Variants in TMOD1 observed in about 807,000 individuals in gnomAD.
The protein encoded by TMOD1 is tropomodulin 1.
Under a neutral mutation model 40.6 loss-of-function variants are expected in TMOD1, and 17 were observed. The ratio of observed to expected loss-of-function variants is 0.42; its 90% CI spans 0.29 to 0.63. TMOD1 has a LOEUF of 0.63. Among genes scored for constraint, TMOD1 ranks in the 20% least tolerant of loss-of-function variants. The probability of loss-of-function intolerance (pLI) is 0.22; values close to 1 mark genes in which losing one functional copy is unlikely to be tolerated. For synonymous variants in TMOD1, 181 were observed against 175.0 expected, an observed-to-expected ratio of 1.03 and a Z score of -0.27; for missense variants, 391 against 447.6, an observed-to-expected ratio of 0.87 and a Z score of 1.14.
intron 3 of TMOD1, 55 bp downstream of exon 3, chr9:97,546,396 C>T (rs1587934038): frequency 1.2e-5 from 18 of 1,563,578 alleles, no homozygotes; most frequent in Middle Eastern, 1.7e-4. Flanking sequence ...CATTGAGTGC[C>T]GACTGTATGC....
chr9:97,514,412 C>G (rs1216932736), intron 1 of TMOD1, among the ~76,000 whole-genome samples: 3 of 152,030 alleles, frequency 2.0e-5, no homozygotes, highest in Admixed American at 1.3e-4. Context: ...ACCACCGCAC[C>G]TGGCCGAAAT....
chr9:97,562,849 AC>A, intron 5 of TMOD1, 28 bp downstream of exon 5: 1 of 1,549,866 alleles, frequency 6.5e-7, no homozygotes, highest in Non-Finnish European at 8.7e-7. Flanking sequence ...CCCAGGAGGG[AC>A]CTCATGCTTC....
chr9:97,514,572 C>T (rs1427933976), intron 1 of TMOD1, among the ~76,000 whole-genome samples: 2 of 152,158 alleles, frequency 1.3e-5, no homozygotes, highest in Non-Finnish European at 2.9e-5. Flanking sequence ...GCTCCCTCGC[C>T]CCTGGCACCC....
intron 4 of TMOD1, 105 bp downstream of exon 4, chr9:97,553,505 TAACA>T: frequency 6.8e-7 from 1 of 1,471,112 alleles, no homozygotes; most frequent in Non-Finnish European, 9.4e-7. Flanking sequence ...TCTCTATTTC[TAACA>T]AGAACTAGAG....
rs1185565196 is a variant in TMOD1, at chr9:97,582,141, T to C, written c.871-9150T>C. Among the ~76,000 whole-genome samples the C allele has an allele frequency of 2.0e-5, 3 of 152,062 alleles. No individual in the cohort carries two copies. In the East Asian group the frequency reaches 5.8e-4, roughly 29 times the overall value. On this transcript the variant is annotated intron_variant, in intron 8 of 9. Coordinates refer to ENST00000259365, the MANE Select transcript of TMOD1 (RefSeq NM_003275.4). ...GGTTTTTATGGTTTTAGGTCTAACG[T>C]TTAAGTCTTTAATCCATCTTGAATT...
chr9:97,594,336 C>T (rs962687746), intron 9 of TMOD1, among the ~76,000 whole-genome samples: 2 of 152,252 alleles, frequency 1.3e-5, no homozygotes, highest in Non-Finnish European at 2.9e-5. Context: ...GGCAGTGCCT[C>T]AGCTTCCTCC....
chr9:97,590,849 T>C, intron 8 of TMOD1, among the ~76,000 whole-genome samples: 1 of 152,184 alleles, frequency 6.6e-6, no homozygotes, highest in East Asian at 1.9e-4. Context: ...CTTGGGTGCA[T>C]ATTGAAATCT....
intron 3 of TMOD1, among the ~76,000 whole-genome samples, chr9:97,551,010 ATATATTTTTTTTTT>A (rs1830442846): frequency 2.4e-5 from 1 of 42,242 alleles, no homozygotes; most frequent in African/African-American, 1.7e-4. Context: ...ATATATATAT[ATATATTTTTTTTTT>A]TTTTTTTTTT....
At chr9:97,580,419 A>G (rs1397568057) in intron 8 of TMOD1, among the ~76,000 whole-genome samples, 1 of 152,196 alleles carries the variant, frequency 6.6e-6, no homozygotes, top group South Asian at 2.1e-4. Context: ...AGCCTGGCCA[A>G]CATAGTGAAA....
chr9:97,579,786 G>A (rs948971515), intron 8 of TMOD1, among the ~76,000 whole-genome samples: 2 of 152,254 alleles, frequency 1.3e-5, no homozygotes, highest in African/African-American at 4.8e-5. Flanking sequence ...GACTCTGCCA[G>A]GTGTAGGGAG....
intron 8 of TMOD1, among the ~76,000 whole-genome samples, chr9:97,581,858 G>A (rs1309714714): frequency 1.3e-5 from 2 of 150,892 alleles, no homozygotes; most frequent in African/African-American, 4.9e-5. Flanking sequence ...TTTTTTTCTT[G>A]TAAATTTGTT....
At chr9:97,544,148 A>G (rs1416245712) in intron 2 of TMOD1, among the ~76,000 whole-genome samples, 1 of 152,152 alleles carries the variant, frequency 6.6e-6, no homozygotes, top group Non-Finnish European at 1.5e-5. Flanking sequence ...CAGCCCTCCC[A>G]GAGGCAGGAT....
chr9:97,539,534 T>G (rs1413200950), intron 2 of TMOD1, among the ~76,000 whole-genome samples: 2 of 152,240 alleles, frequency 1.3e-5, no homozygotes, highest in Non-Finnish European at 2.9e-5. Context: ...AGAGCCCTCT[T>G]GCCTCAGCAT....
Position 97,562,828 on chromosome 9 carries a change from A to G in TMOD1, c.487+7A>G. The G allele has an allele frequency of 6.3e-7, 1 of 1,579,644 alleles. No homozygotes were observed. Among genetic ancestry groups the G allele is most frequent in the South Asian group, 1.2e-5 (1 of 84,766 alleles). Reference sequence around the variant, plus strand: ...AACAAGGAGGGGCTCAACAGTGAGTATGCGCCCGCCCCCAGGAGGGACCTC... The same window carrying G: ...AACAAGGAGGGGCTCAACAGTGAGTGTGCGCCCGCCCCCAGGAGGGACCTC... On this transcript the variant is annotated splice_region_variant and intron_variant, in intron 5 of 9. Transcript: ENST00000259365.
Position 97,599,649 on chromosome 9 carries a change from T to C in TMOD1, c.1031T>C (p.Leu344Pro), listed in dbSNP as rs754343680. 3.1e-6 allele frequency: 5 copies of C among 1,614,210 alleles called. No individual in the cohort carries two copies. In the South Asian group the frequency reaches 5.5e-5, roughly 18 times the overall value. Residue 344 changes from leucine to proline, a missense_variant, in exon 10 of 10, where the codon CTT becomes CCT. Leu to Pro is a moderately conservative substitution (Grantham distance 98). Coordinates refer to ENST00000259365, the MANE Select transcript of TMOD1 (RefSeq NM_003275.4). ...TCCTTTCCAGTGAGGAAGAGGAGGC[T>C]TGCGGACCTGACTGGGCCCATCATT... ...NNNDLVRKRR[L>P]ADLTGPIIPK...
chr9:97,600,456 T>C lies in TMOD1; in HGVS notation c.*758T>C. The stretch of plus-strand genomic sequence containing the variant: ...AATTTAATACTGGAGTTAGAACTTT[T>C]TCCTTATTGAATGCCAACCTTATGA... On this transcript the variant is annotated 3_prime_UTR_variant, in exon 10 of 10. Transcript: ENST00000259365. 2 of 985,646 alleles carry C rather than the reference T, an allele frequency of 2.0e-6. No homozygotes were observed. Among genetic ancestry groups the C allele is most frequent in the Non-Finnish European group, 2.4e-6 (2 of 830,074 alleles). 61.1% of individuals were successfully genotyped at this position (985,646 alleles called of 1,614,324 possible).
intron 4 of TMOD1, among the ~76,000 whole-genome samples, chr9:97,562,078 A>T (rs779590209): frequency 6.6e-5 from 10 of 152,162 alleles, no homozygotes; most frequent in Non-Finnish European, 8.8e-5. Flanking sequence ...CCTAGCACAC[A>T]GTGCTGGGGT....
At chr9:97,584,419 C>A (rs369274812) in intron 8 of TMOD1, among the ~76,000 whole-genome samples, 5 of 150,734 alleles carry the variant, frequency 3.3e-5, no homozygotes, top group Admixed American at 2.0e-4. Flanking sequence ...CTTTACTTCC[C>A]AGTATGTGGT....
At chr9:97,520,137 G>C (rs554856943) in intron 1 of TMOD1, among the ~76,000 whole-genome samples, 1 of 152,108 alleles carries the variant, frequency 6.6e-6, no homozygotes. Context: ...CAGGGCCCTG[G>C]AGGCACTTTC....
Sources: gnomAD v4.1 joint callset for allele counts (sites outside exome capture counted in the v4.1 genomes callset) on GRCh38, gnomAD v4.1.1 for gene constraint, MANE v1.5 for transcripts, NCBI Gene and HGNC (gene_info 2026-07-23, HGNC 2026-07-21) for gene names.